PPARD: variants seen among roughly 807,000 people sequenced by gnomAD.
PPARD encodes peroxisome proliferator activated receptor delta.
In PPARD, 6 loss-of-function variants were observed where a neutral mutation model predicts 39.5. That is an observed-to-expected ratio of 0.15 (90% CI 0.08 to 0.30). The LOEUF (loss-of-function observed/expected upper bound fraction) is 0.30, where lower values mean the gene tolerates loss of function less well. Ranked by LOEUF, PPARD falls within the 10% of genes least tolerant of loss-of-function variation. The pLI, the probability that PPARD is intolerant of heterozygous loss-of-function variation, is 1.00. For missense variants in PPARD, 397 were observed against 596.8 expected, an observed-to-expected ratio of 0.67 and a Z score of 3.49; for synonymous variants, 210 against 231.3, an observed-to-expected ratio of 0.91 and a Z score of 0.83.
intron 2 of PPARD, among the ~76,000 whole-genome samples, chr6:35,375,368 C>T (rs979014747): frequency 6.6e-6 from 1 of 152,014 alleles, no homozygotes; most frequent in South Asian, 2.1e-4. Context: ...CAGGCACGTG[C>T]CACCACACGC....
chr6:35,420,819 CT>C (rs35852986), intron 4 of PPARD, among the ~76,000 whole-genome samples: 5,998 of 84,022 alleles, frequency 0.071, 12 homozygotes, highest in East Asian at 0.19. Flanking sequence ...AACAAAGAAG[CT>C]TTTTTTTTTT....
In PPARD at chr6:35,380,467, TTTTTG is replaced by T. The variant is rs1360944329; in HGVS notation, c.-101-30516_-101-30512del. Among the ~76,000 whole-genome samples, 107 of 106,080 alleles carry T rather than the reference TTTTTG, an allele frequency of 1.0e-3. 1 individual carries two copies. Among genetic ancestry groups the T allele is most frequent in the South Asian group, 3.0e-3 (13 of 4,292 alleles). The allele number at this position is 106,080 out of a possible 152,430, so 69.6% of individuals were successfully genotyped here. On this transcript the variant is annotated intron_variant, in intron 2 of 7. Coordinates refer to ENST00000360694, the MANE Select transcript of PPARD (RefSeq NM_006238.5). ...GAGCCAATTAACCTCGTGTTTTTTT[TTTTTG>T]TTTGTTTTTTTTTTTTTTTTTTTTT...
intron 2 of PPARD, among the ~76,000 whole-genome samples, chr6:35,368,742 G>A (rs970287799): frequency 6.6e-6 from 1 of 152,190 alleles, no homozygotes; most frequent in African/African-American, 2.4e-5. Context: ...TGTCCAGGAA[G>A]TTTCTATTTG....
chr6:35,426,250 C>T lies in PPARD; in HGVS notation c.*171C>T. 2 of 794,320 alleles carry T rather than the reference C, an allele frequency of 2.5e-6. No individual in the cohort carries two copies. Among genetic ancestry groups the T allele is most frequent in the Non-Finnish European group, 1.9e-6 (1 of 513,358 alleles). 49.2% of individuals were successfully genotyped at this position (794,320 alleles called of 1,614,324 possible). A position where few individuals can be genotyped will look rare whatever the true frequency, so the allele number is the denominator to read the frequency against. On this transcript the variant is annotated 3_prime_UTR_variant, in exon 8 of 8. Coordinates refer to ENST00000360694, the MANE Select transcript of PPARD (RefSeq NM_006238.5). ...GCCTCTGGCTCCCTGTGCCCTCTCTCCCGCTTCCTCCAGCCAGCTCTCTTC... is the reference window on the plus strand; with the variant it reads ...GCCTCTGGCTCCCTGTGCCCTCTCTTCCGCTTCCTCCAGCCAGCTCTCTTC...
At chr6:35,398,339 G>A (rs576886103) in intron 2 of PPARD, among the ~76,000 whole-genome samples, 8 of 152,210 alleles carry the variant, frequency 5.3e-5, no homozygotes, top group South Asian at 2.1e-4. Context: ...ATTAGATTCC[G>A]TATATTTATT....
intron 2 of PPARD, among the ~76,000 whole-genome samples, chr6:35,391,108 TATTTC>T (rs1763976542): frequency 6.6e-6 from 1 of 152,266 alleles, no homozygotes; most frequent in African/African-American, 2.4e-5. Flanking sequence ...TGATTGTATA[TATTTC>T]ATTAGCATGT....
At position 35,353,240 on chromosome 6, in the gene PPARD, T is replaced by G. The variant is rs918881702; in HGVS notation, c.-102+6090T>G. Among the ~76,000 whole-genome samples the G allele has an allele frequency of 4.7e-4, 72 of 152,134 alleles. 1 individual carries two copies. Among genetic ancestry groups the G allele is most frequent in the African/African-American group, 1.7e-3 (69 of 41,420 alleles). On this transcript the variant is annotated intron_variant, in intron 2 of 7. Transcript: ENST00000360694. ...GGTTTTGGAGCAAGGAGTGGTGGTGTTAATATTGCAAAAAGGTAGATTAGG... is the reference window on the plus strand; with the variant it reads ...GGTTTTGGAGCAAGGAGTGGTGGTGGTAATATTGCAAAAAGGTAGATTAGG...
Position 35,344,584 on chromosome 6 carries a change from C to G in PPARD, c.-186+1903C>G, listed in dbSNP as rs982915336. Among the ~76,000 whole-genome samples, 4 of 152,086 alleles carry G rather than the reference C, an allele frequency of 2.6e-5. No homozygotes were observed. The East Asian group carries it at 7.7e-4, about 29-fold the overall frequency. ...ATCCTTTGTTTCTACCCAGTCTGAT[C>G]TTGGAGGATTCTGAAAGCGTGACCC... On this transcript the variant is annotated intron_variant, in intron 1 of 7. Coordinates refer to ENST00000360694, the MANE Select transcript of PPARD (RefSeq NM_006238.5).
At chr6:35,398,686 T>C (rs935748815) in intron 2 of PPARD, among the ~76,000 whole-genome samples, 12 of 152,170 alleles carry the variant, frequency 7.9e-5, no homozygotes, top group Non-Finnish European at 1.6e-4. Context: ...GCCAGTGATA[T>C]CAGAGCAAAA....
intron 2 of PPARD, among the ~76,000 whole-genome samples, chr6:35,380,434 C>T (rs1222283211): frequency 2.3e-5 from 3 of 133,292 alleles, no homozygotes; most frequent in African/African-American, 8.1e-5. Flanking sequence ...AAAGTTAATT[C>T]ATACTCAGAG....
Position 35,425,847 on chromosome 6 carries a change from T to A in PPARD, c.1094T>A (p.Met365Lys). ...IILCGDRPGL[M>K]NVPRVEAIQD... ...GTCCCCACAGACCGGCCAGGCCTCATGAACGTTCCACGGGTGGAGGCTATC... is the reference window on the plus strand; with the variant it reads ...GTCCCCACAGACCGGCCAGGCCTCAAGAACGTTCCACGGGTGGAGGCTATC... The change falls in exon 8 of 8, where the codon ATG becomes AAG. Residue 365 changes from methionine (M) to lysine (K), a missense_variant. Met to Lys is a moderately conservative substitution (Grantham distance 95). Coordinates refer to ENST00000360694, the MANE Select transcript of PPARD (RefSeq NM_006238.5). This position sits in a 1 kb window ranked among gnomAD's most constrained non-coding sequence, Gnocchi z 4.5. The A allele has an allele frequency of 6.2e-7, 1 of 1,614,042 alleles. No homozygotes were observed. The highest frequency in any genetic ancestry group is 8.5e-7 in the Non-Finnish European group (1 of 1,180,002).
In PPARD at chr6:35,424,898, TG is replaced by T. The variant is rs1355543385; in HGVS notation, c.1078+121del. On this transcript the variant is annotated intron_variant, in intron 7 of 7. Coordinates refer to ENST00000360694, the MANE Select transcript of PPARD (RefSeq NM_006238.5). This position sits in a 1 kb window ranked among gnomAD's most constrained non-coding sequence, Gnocchi z 7.1. ...GTGTGGGGAAGTGTCCCTGTGATCT[TG>T]GCAGTGGAACATGCAAGGCACTGAC... is the stretch of plus-strand genomic sequence containing the variant. The T allele has an allele frequency of 5.4e-6, 8 of 1,470,696 alleles. No homozygotes were observed. Among genetic ancestry groups the T allele is most frequent in the African/African-American group, 2.8e-5 (2 of 71,318 alleles). The allele number at this position is 1,470,696 out of a possible 1,614,324, so 91.1% of individuals were successfully genotyped here.
At chr6:35,369,735 G>A (rs1762386347) in intron 2 of PPARD, among the ~76,000 whole-genome samples, 1 of 152,190 alleles carries the variant, frequency 6.6e-6, no homozygotes, top group South Asian at 2.1e-4. Context: ...AATCAGTCCT[G>A]CCAACAGACG....
At chr6:35,417,351 G>A (rs1765838880) in intron 3 of PPARD, among the ~76,000 whole-genome samples, 1 of 151,878 alleles carries the variant, frequency 6.6e-6, no homozygotes, top group Non-Finnish European at 1.5e-5. Context: ...ACCCAGGCTG[G>A]TATACGATGG....
chr6:35,414,835 C>T lies in PPARD; in HGVS notation c.130+3618C>T, dbSNP rs1016122614. Among the ~76,000 whole-genome samples the T allele has an allele frequency of 8.7e-4, 133 of 152,282 alleles. 2 individuals carry two copies. Among genetic ancestry groups the T allele is most frequent in the Non-Finnish European group, 1.0e-4 (7 of 68,014 alleles). On this transcript the variant is annotated intron_variant, in intron 3 of 7. Coordinates refer to ENST00000360694, the MANE Select transcript of PPARD (RefSeq NM_006238.5). Reference sequence around the variant, plus strand: ...AGGCTCCACAGTCACCCCTGACCACCCTCCTCAGCAGTTCAGCACTGACTC... The same window carrying T: ...AGGCTCCACAGTCACCCCTGACCACTCTCCTCAGCAGTTCAGCACTGACTC...
chr6:35,399,160 T>G (rs1179413456), intron 2 of PPARD, among the ~76,000 whole-genome samples: 2 of 151,986 alleles, frequency 1.3e-5, no homozygotes, highest in Non-Finnish European at 2.9e-5. Context: ...CCCAGCACTT[T>G]GGGAGGCCGA....
chr6:35,372,118 G>A (rs1488179890), intron 2 of PPARD, among the ~76,000 whole-genome samples: 1 of 152,256 alleles, frequency 6.6e-6, no homozygotes, highest in African/African-American at 2.4e-5. Context: ...CTAATGGATT[G>A]TTGTGAGAAT....
chr6:35,403,085 G>A (rs1764806122), intron 2 of PPARD, among the ~76,000 whole-genome samples: 4 of 152,182 alleles, frequency 2.6e-5, no homozygotes, highest in Admixed American at 2.6e-4. Context: ...AGAGTAGGGG[G>A]CTCCCTGCCG....
intron 2 of PPARD, among the ~76,000 whole-genome samples, chr6:35,384,193 G>A (rs1192731834): frequency 1.7e-5 from 1 of 57,312 alleles, no homozygotes. Flanking sequence ...CCCGGCCAGC[G>A]GCCCCGTCCG....
Sources: allele counts gnomAD v4.1 joint callset (sites outside exome capture counted in the v4.1 genomes callset), GRCh38; gene constraint gnomAD v4.1.1; non-coding constraint Gnocchi (gnomAD v3.1); transcripts MANE v1.5; gene names NCBI Gene and HGNC (gene_info 2026-07-23, HGNC 2026-07-21).